Variants in ZNF385D observed in about 807,000 individuals in gnomAD.
The protein encoded by ZNF385D is zinc finger protein 385D.
Under a neutral mutation model 35.8 loss-of-function variants are expected in ZNF385D, and 15 were observed. That is an observed-to-expected ratio of 0.42 (90% CI 0.28 to 0.64). The LOEUF (loss-of-function observed/expected upper bound fraction) is 0.64. ZNF385D is among the 30% of genes least tolerant of loss of function. The pLI is 0.23. For synonymous variants in ZNF385D, 212 were observed against 186.8 expected, an observed-to-expected ratio of 1.13 and a Z score of -1.10; for missense variants, 474 against 494.6, an observed-to-expected ratio of 0.96 and a Z score of 0.39.
At chr3:21,694,521 G>C (rs936480309) in intron 1 of ZNF385D, among the ~76,000 whole-genome samples, 2 of 152,150 alleles carry the variant, frequency 1.3e-5, no homozygotes, top group Admixed American at 6.5e-5. Context: ...GTCACAGCCA[G>C]ATCTGGGTAC....
chr3:21,738,573 A>T (rs1214668409), intron 1 of ZNF385D, among the ~76,000 whole-genome samples: 2 of 152,214 alleles, frequency 1.3e-5, no homozygotes. Flanking sequence ...GCTGAGGCTC[A>T]GGACAATTCA....
intron 1 of ZNF385D, among the ~76,000 whole-genome samples, chr3:21,708,863 A>G (rs779182454): frequency 1.1e-4 from 12 of 110,690 alleles, no homozygotes; most frequent in Non-Finnish European, 1.2e-4. Context: ...GTGGGCGTGC[A>G]CACACACACA....
At chr3:22,266,554 A>C (rs1197328932) in intron 2 of ZNF385D, among the ~76,000 whole-genome samples, 1 of 151,890 alleles carries the variant, frequency 6.6e-6, no homozygotes, top group East Asian at 1.9e-4. Context: ...AAGCATGAGA[A>C]AGCACAATTA....
intron 3 of ZNF385D, among the ~76,000 whole-genome samples, chr3:21,998,605 GT>G (rs1695635600): frequency 6.6e-6 from 1 of 152,124 alleles, no homozygotes; most frequent in African/African-American, 2.4e-5. Context: ...AGTATCAGTT[GT>G]TACTAGCCCA....
intron 3 of ZNF385D, among the ~76,000 whole-genome samples, chr3:21,825,334 G>A (rs2125746491): frequency 6.6e-6 from 1 of 152,274 alleles, no homozygotes; most frequent in African/African-American, 2.4e-5. Context: ...AGAACTATCT[G>A]TCACTTGAAT....
intron 2 of ZNF385D, among the ~76,000 whole-genome samples, chr3:22,358,089 G>A (rs759810526): frequency 1.3e-5 from 2 of 151,698 alleles, no homozygotes; most frequent in East Asian, 1.9e-4. Context: ...AATATTTGTC[G>A]AATGAATAAC....
intron 3 of ZNF385D, among the ~76,000 whole-genome samples, chr3:21,920,735 C>G (rs904738760): frequency 3.3e-5 from 5 of 151,972 alleles, no homozygotes; most frequent in African/African-American, 1.2e-4. Flanking sequence ...GCAACTCTCC[C>G]CACACTGGCG....
intron 3 of ZNF385D, among the ~76,000 whole-genome samples, chr3:22,001,537 G>A (rs1204085496): frequency 6.6e-6 from 1 of 152,018 alleles, no homozygotes; most frequent in Non-Finnish European, 1.5e-5. Context: ...TTCAATTTTA[G>A]TTGGGTACTT....
chr3:21,875,317 T>C (rs994523831), intron 3 of ZNF385D, among the ~76,000 whole-genome samples: 3 of 152,028 alleles, frequency 2.0e-5, no homozygotes, highest in Non-Finnish European at 4.4e-5. Flanking sequence ...CTTCCACTGT[T>C]TTCCTCATTC....
chr3:21,632,223 G>A (rs1053485052), intron 2 of ZNF385D, among the ~76,000 whole-genome samples: 4 of 151,992 alleles, frequency 2.6e-5, no homozygotes. Context: ...TAGAGAGATG[G>A]ATACTAAATA....
chr3:22,240,080 G>A (rs1339490167), intron 2 of ZNF385D, among the ~76,000 whole-genome samples: 2 of 149,216 alleles, frequency 1.3e-5, no homozygotes, highest in African/African-American at 2.5e-5. Flanking sequence ...CTACTCAGGA[G>A]GCTGACGTGG....
intron 3 of ZNF385D, among the ~76,000 whole-genome samples, chr3:22,075,784 C>G (rs1700433872): frequency 6.6e-6 from 1 of 151,928 alleles, no homozygotes; most frequent in African/African-American, 2.4e-5. Flanking sequence ...AAATATTTAA[C>G]TGCATTTCCT....
At chr3:21,451,933 G>T (rs1575169144) in intron 4 of ZNF385D, among the ~76,000 whole-genome samples, 1 of 151,960 alleles carries the variant, frequency 6.6e-6, no homozygotes, top group African/African-American at 2.4e-5. Context: ...GTCTTTGATT[G>T]TAAAGAGCTA....
At chr3:21,981,225 ATC>A (rs1464179291) in intron 3 of ZNF385D, among the ~76,000 whole-genome samples, 1 of 152,172 alleles carries the variant, frequency 6.6e-6, no homozygotes, top group Non-Finnish European at 1.5e-5. Context: ...CCTCACAAGC[ATC>A]TGTTACTTTT....
chr3:21,728,096 T>C (rs893774862), intron 1 of ZNF385D, among the ~76,000 whole-genome samples: 3 of 151,996 alleles, frequency 2.0e-5, no homozygotes, highest in African/African-American at 2.4e-5. Context: ...TGAGAACACA[T>C]GGACACAGGG....
intron 3 of ZNF385D, among the ~76,000 whole-genome samples, chr3:21,857,408 C>G: frequency 6.6e-6 from 1 of 151,990 alleles, no homozygotes; most frequent in Non-Finnish European, 1.5e-5. Flanking sequence ...GGAAACATAA[C>G]TCTATTTAAG....
chr3:21,820,201 A>G (rs577840178), intron 3 of ZNF385D, among the ~76,000 whole-genome samples: 169 of 151,928 alleles, frequency 1.1e-3, no homozygotes, highest in African/African-American at 3.6e-3. Flanking sequence ...ATACAGATTG[A>G]TATTTATTCT....
chr3:21,909,172 A>G (rs9812511), intron 3 of ZNF385D, among the ~76,000 whole-genome samples: 1 of 152,010 alleles, frequency 6.6e-6, no homozygotes. Context: ...CCTGTGAGAC[A>G]TAAGTTCGTC....
chr3:21,594,612 C>T (rs2064078739), intron 2 of ZNF385D, among the ~76,000 whole-genome samples: 1 of 152,024 alleles, frequency 6.6e-6, no homozygotes. Flanking sequence ...AACTAAAGGC[C>T]CTTTAAGCAG....
Sources: gnomAD v4.1 joint callset for allele counts (sites outside exome capture counted in the v4.1 genomes callset) on GRCh38, gnomAD v4.1.1 for gene constraint, MANE v1.5 for transcripts, NCBI Gene and HGNC (gene_info 2026-07-23, HGNC 2026-07-21) for gene names.